Variants in PTPRT observed in about 807,000 individuals in gnomAD.
PTPRT encodes receptor-type tyrosine-protein phosphatase T.
Under a neutral mutation model 176.8 loss-of-function variants are expected in PTPRT, and 56 were observed. That is an observed-to-expected ratio of 0.32 (90% CI 0.26 to 0.40). PTPRT has a LOEUF of 0.40. Among genes scored for constraint, PTPRT ranks in the 10% least tolerant of loss-of-function variants. The pLI is 1.00. For synonymous variants in PTPRT, 783 were observed against 739.0 expected (o/e 1.06, Z -0.96); for missense variants, 1,540 against 1,908.2 (o/e 0.81, Z 3.60).
At chr20:42,803,314 G>A (rs1323901714) in intron 2 of PTPRT, among the ~76,000 whole-genome samples, 2 of 152,242 alleles carry the variant, frequency 1.3e-5, no homozygotes, top group Non-Finnish European at 2.9e-5. Flanking sequence ...AACTCTGAGT[G>A]GGGTCAGTCA....
At chr20:42,695,608 T>C (rs1026578473) in intron 6 of PTPRT, among the ~76,000 whole-genome samples, 1 of 152,200 alleles carries the variant, frequency 6.6e-6, no homozygotes, top group Non-Finnish European at 1.5e-5. Flanking sequence ...GACCATACAA[T>C]TTGGAACAAC....
chr20:42,269,536 C>T (rs371726755), intron 13 of PTPRT, among the ~76,000 whole-genome samples: 11 of 152,152 alleles, frequency 7.2e-5, no homozygotes, highest in African/African-American at 1.9e-4. Flanking sequence ...TTGAGCCCCA[C>T]GATGGACATC....
chr20:42,058,623 G>A, the PTPRT span, among the ~76,000 whole-genome samples: 8 of 152,136 alleles, frequency 5.3e-5, no homozygotes, highest in African/African-American at 7.2e-5. Flanking sequence ...CAAAGGCAGC[G>A]ACAAGAATTT....
At chr20:43,030,295 G>A (rs1364999739) in intron 1 of PTPRT, among the ~76,000 whole-genome samples, 1 of 152,230 alleles carries the variant, frequency 6.6e-6, no homozygotes, top group Non-Finnish European at 1.5e-5. Context: ...TCAGCAGCTT[G>A]AAGGAAGCCA....
chr20:42,086,135 C>T (rs534129942), intron 27 of PTPRT, among the ~76,000 whole-genome samples: 6 of 152,136 alleles, frequency 3.9e-5, no homozygotes, highest in Admixed American at 6.5e-5. Flanking sequence ...GATGGGGTTT[C>T]GCCGTGTTGG....
At position 42,742,734 on chromosome 20, in the gene PTPRT, A is replaced by T. The variant is rs995263604; in HGVS notation, c.859+13728T>A. Among the ~76,000 whole-genome samples the T allele has an allele frequency of 5.3e-5, 8 of 152,184 alleles. 1 individual carries two copies. Among genetic ancestry groups the T allele is most frequent in the African/African-American group, 1.9e-4 (8 of 41,442 alleles). ...GTCTTTGAACTTTCTTGCTGGTATG[A>T]AGCAGGTCCCACACTCTGCGATTTC... On this transcript the variant is annotated intron_variant, in intron 6 of 30. Transcript: ENST00000373187.
intron 2 of PTPRT, among the ~76,000 whole-genome samples, chr20:42,816,875 A>T (rs1326319254): frequency 6.6e-6 from 1 of 152,216 alleles, no homozygotes; most frequent in Non-Finnish European, 1.5e-5. Context: ...AAGAATCGTT[A>T]TGGAGAAAAG....
chr20:42,698,562 A>T (rs2075921519), intron 6 of PTPRT, among the ~76,000 whole-genome samples: 1 of 152,210 alleles, frequency 6.6e-6, no homozygotes, highest in Non-Finnish European at 1.5e-5. Flanking sequence ...CATTAGAATC[A>T]TGCAGAGAAG....
intron 7 of PTPRT, among the ~76,000 whole-genome samples, chr20:42,562,535 G>A (rs956706681): frequency 6.6e-6 from 1 of 152,172 alleles, no homozygotes; most frequent in Non-Finnish European, 1.5e-5. Flanking sequence ...TTCATTTGGA[G>A]ACTATTACAA....
chr20:42,055,316 C>A, the PTPRT span, among the ~76,000 whole-genome samples: 3 of 152,204 alleles, frequency 2.0e-5, no homozygotes, highest in African/African-American at 7.2e-5. Context: ...TGGTTTATCA[C>A]CTCTTTCCAT....
chr20:42,037,438 G>A, the PTPRT span, among the ~76,000 whole-genome samples: 2 of 152,252 alleles, frequency 1.3e-5, no homozygotes, highest in South Asian at 2.1e-4. Context: ...AAAAGGAGAG[G>A]CCTCTCATTT....
chr20:42,519,242 G>T (rs2072125635), intron 7 of PTPRT, among the ~76,000 whole-genome samples: 1 of 152,046 alleles, frequency 6.6e-6, no homozygotes, highest in Admixed American at 6.6e-5. Context: ...GAAACCTTTT[G>T]GGATTAGAGT....
At chr20:43,163,203 A>G (rs1326904644) in intron 1 of PTPRT, among the ~76,000 whole-genome samples, 1 of 152,236 alleles carries the variant, frequency 6.6e-6, no homozygotes, top group Non-Finnish European at 1.5e-5. Flanking sequence ...TGTGGTCAAC[A>G]ATGAAATGCA....
At chr20:42,096,066 C>T (rs1257663138) in intron 27 of PTPRT, among the ~76,000 whole-genome samples, 3 of 152,224 alleles carry the variant, frequency 2.0e-5, no homozygotes, top group African/African-American at 4.8e-5. Flanking sequence ...CCTGCACCTG[C>T]TCCCTAAACC....
chr20:42,879,439 C>A (rs777972922), intron 2 of PTPRT, among the ~76,000 whole-genome samples: 2 of 152,188 alleles, frequency 1.3e-5, no homozygotes, highest in African/African-American at 4.8e-5. Context: ...TTTGCCTCCA[C>A]GAGTCGTATT....
chr20:42,068,364 C>G (rs771341855), downstream of PTPRT, among the ~76,000 whole-genome samples: 3 of 152,178 alleles, frequency 2.0e-5, no homozygotes, highest in Non-Finnish European at 4.4e-5. Context: ...AAGTGGTACA[C>G]AAGAGGCATC....
Position 42,705,577 on chromosome 20 carries a change from A to C in PTPRT, c.860-27418T>G, listed in dbSNP as rs79616486. Among the ~76,000 whole-genome samples the C allele has an allele frequency of 8.9e-3, 1,348 of 152,276 alleles. 23 individuals are homozygous for C. Among genetic ancestry groups the C allele is most frequent in the African/African-American group, 0.031 (1,300 of 41,538 alleles). On this transcript the variant is annotated intron_variant, in intron 6 of 30. Coordinates refer to ENST00000373187, the MANE Select transcript of PTPRT (RefSeq NM_007050.6). ...TGGTGTGGCTAGCTCAGAGGACCTT[A>C]CAATAATAATAATGATAATGTGCAA...
intron 18 of PTPRT, among the ~76,000 whole-genome samples, chr20:42,137,122 C>A (rs1988414875): frequency 6.6e-6 from 1 of 152,180 alleles, no homozygotes; most frequent in East Asian, 1.9e-4. Context: ...AGCACACATG[C>A]AAGTAGTGAG....
At chr20:43,119,995 T>A (rs1045545469) in intron 1 of PTPRT, among the ~76,000 whole-genome samples, 1 of 152,174 alleles carries the variant, frequency 6.6e-6, no homozygotes, top group Non-Finnish European at 1.5e-5. Context: ...GGTTTTTGTT[T>A]CAGTGGTGTG....
Sources: gnomAD v4.1 joint callset for allele counts (sites outside exome capture counted in the v4.1 genomes callset) on GRCh38, gnomAD v4.1.1 for gene constraint, MANE v1.5 for transcripts, NCBI Gene and HGNC (gene_info 2026-07-23, HGNC 2026-07-21) for gene names.